Variants in CDK13 observed in about 807,000 individuals in gnomAD.
CDK13 encodes the protein cyclin dependent kinase 13.
In CDK13, 40 loss-of-function variants were observed where a neutral mutation model predicts 137.6. The observed-to-expected ratio is 0.29, with a 90% confidence interval of 0.23 to 0.38. The LOEUF is 0.38. Ranked by LOEUF, CDK13 falls within the 10% of genes least tolerant of loss-of-function variation. The pLI is 1.00. For missense variants in CDK13, 1,704 were observed against 1,951.8 expected (o/e 0.87, Z 2.39); for synonymous variants, 869 against 760.1 (o/e 1.14, Z -2.36).
chr7:39,972,233 A>G (rs539649555), intron 1 of CDK13, among the ~76,000 whole-genome samples: 2 of 152,368 alleles, frequency 1.3e-5, no homozygotes, highest in South Asian at 2.1e-4. Flanking sequence ...TTAATATGGC[A>G]TAAGAACCAT....
intron 9 of CDK13, among the ~76,000 whole-genome samples, chr7:40,076,466 C>A (rs1278036942): frequency 6.6e-6 from 1 of 152,012 alleles, no homozygotes; most frequent in African/African-American, 2.4e-5. Flanking sequence ...GGGAGAGATG[C>A]ATTGGGAAAT....
chr7:39,992,070 TAC>T lies in CDK13; in HGVS notation c.1871+3845_1871+3846del, dbSNP rs148046155. Among the ~76,000 whole-genome samples, 1,105 of 147,058 alleles carry T rather than the reference TAC, an allele frequency of 7.5e-3. 11 individuals are homozygous for T. The highest frequency in any genetic ancestry group is 0.026 in the African/African-American group (1,049 of 39,834). On this transcript the variant is annotated intron_variant, in intron 2 of 13. Coordinates refer to ENST00000181839, the MANE Select transcript of CDK13 (RefSeq NM_003718.5). ...CTGTCTCAAAAAAAGGAAAAAATTA[TAC>T]ACACACACACACACACACACACACA...
chr7:39,993,519 C>A (rs965772119), intron 2 of CDK13, among the ~76,000 whole-genome samples: 2 of 152,084 alleles, frequency 1.3e-5, no homozygotes, highest in African/African-American at 4.8e-5. Flanking sequence ...TGTTTTCCCA[C>A]AAAATCATGA....
intron 1 of CDK13, among the ~76,000 whole-genome samples, chr7:39,962,204 T>A (rs901606309): frequency 5.3e-5 from 8 of 152,206 alleles, no homozygotes; most frequent in African/African-American, 1.7e-4. Context: ...TCCCTGAGGA[T>A]TTGCCACAGT....
At chr7:40,012,071 C>A (rs550746051) in intron 5 of CDK13, among the ~76,000 whole-genome samples, 1 of 152,008 alleles carries the variant, frequency 6.6e-6, no homozygotes, top group Non-Finnish European at 1.5e-5. Flanking sequence ...AAATCAAAAC[C>A]ACAGTGAGTT....
intron 11 of CDK13, among the ~76,000 whole-genome samples, chr7:40,079,071 A>T (rs187744472): frequency 6.6e-5 from 10 of 152,104 alleles, no homozygotes; most frequent in Non-Finnish European, 1.3e-4. Flanking sequence ...GCTGCCTTCT[A>T]GCTAATTTTA....
In CDK13 at chr7:39,950,307, A is replaced by G; in HGVS notation, c.-335A>G. 9.1e-7 allele frequency: 1 copy of G among 1,098,786 alleles called. No homozygotes were observed. The highest frequency in any genetic ancestry group is 4.4e-5 in the South Asian group (1 of 22,528). The allele number at this position is 1,098,786 out of a possible 1,614,324, so 68.1% of individuals were successfully genotyped here. On this transcript the variant is annotated 5_prime_UTR_variant, in exon 1 of 14. Coordinates refer to ENST00000181839, the MANE Select transcript of CDK13 (RefSeq NM_003718.5). ...AGAGCGCGGCCAAGGCCGCTCCCCC[A>G]CCCCCGGGGGCACTTGGAGGACTCG...
At chr7:39,992,105 G>GCACA (rs764758989) in intron 2 of CDK13, among the ~76,000 whole-genome samples, 25 of 133,466 alleles carry the variant, frequency 1.9e-4, no homozygotes, top group South Asian at 9.5e-4. Flanking sequence ...ACACACACAC[G>GCACA]CACACACACA....
chr7:39,989,618 A>G (rs1342256619), intron 2 of CDK13, among the ~76,000 whole-genome samples: 2 of 152,020 alleles, frequency 1.3e-5, no homozygotes, highest in East Asian at 1.9e-4. Flanking sequence ...ATACTACTAT[A>G]ATTGTTGTAT....
chr7:40,092,395 A>G (rs1488786628), intron 12 of CDK13: 1 of 164,490 alleles, frequency 6.1e-6, no homozygotes, highest in East Asian at 1.7e-4. Flanking sequence ...TCTGCCTTCT[A>G]AGGTTGTTGT....
chr7:39,999,271 A>T, intron 3 of CDK13, 90 bp from the exon 4 acceptor site: 1 of 1,023,212 alleles, frequency 9.8e-7, no homozygotes, highest in Non-Finnish European at 1.4e-6. Context: ...TAAAGAATAT[A>T]CAATTGGGTG....
rs148569060 is a variant in CDK13, at chr7:40,035,167, T to G, written c.2354-10669T>G. Among the ~76,000 whole-genome samples the G allele has an allele frequency of 3.0e-3, 450 of 152,310 alleles. 4 individuals are homozygous for G. Among genetic ancestry groups the G allele is most frequent in the African/African-American group, 9.8e-3 (407 of 41,564 alleles). ...GAAATTTTATGTGGCATGTTATAGT[T>G]CCACAACTACATTACATATGATTTT... On this transcript the variant is annotated intron_variant, in intron 5 of 13. Coordinates refer to ENST00000181839, the MANE Select transcript of CDK13 (RefSeq NM_003718.5).
intron 5 of CDK13, among the ~76,000 whole-genome samples, chr7:40,032,889 A>C (rs1049613360): frequency 6.6e-6 from 1 of 152,154 alleles, no homozygotes; most frequent in Non-Finnish European, 1.5e-5. Flanking sequence ...TACTATCTAT[A>C]TAAACGTTAG....
At position 39,950,519 on chromosome 7, in the gene CDK13, C is replaced by A. The variant is rs1180270194; in HGVS notation, c.-123C>A. On this transcript the variant is annotated 5_prime_UTR_variant, in exon 1 of 14. Coordinates refer to ENST00000181839, the MANE Select transcript of CDK13 (RefSeq NM_003718.5). ...CGACCCGGATTATCGTGGCGCTTTTCCCGGCCGGCTCTGGTGCTCGGTGTC... is the reference window on the plus strand; with the variant it reads ...CGACCCGGATTATCGTGGCGCTTTTACCGGCCGGCTCTGGTGCTCGGTGTC... 2.4e-6 allele frequency: 3 copies of A among 1,266,716 alleles called. No homozygotes were observed. The highest frequency in any genetic ancestry group is 2.0e-6 in the Non-Finnish European group (2 of 1,007,030). 78.5% of individuals were successfully genotyped at this position (1,266,716 alleles called of 1,614,324 possible).
intron 1 of CDK13, among the ~76,000 whole-genome samples, chr7:39,981,766 A>G (rs1330791922): frequency 6.6e-6 from 1 of 151,834 alleles, no homozygotes; most frequent in African/African-American, 2.4e-5. Flanking sequence ...GTGATCAAAT[A>G]CTATAAAAAG....
intron 9 of CDK13, among the ~76,000 whole-genome samples, chr7:40,074,522 C>CAAAAA (rs34228836): frequency 2.6e-5 from 2 of 78,034 alleles, no homozygotes; most frequent in African/African-American, 8.5e-5. Flanking sequence ...GACACCATCT[C>CAAAAA]AAAAAAAAAA....
chr7:40,045,808 C>G (rs758296346), intron 5 of CDK13, 28 bp from the exon 6 acceptor site: 1 of 1,460,448 alleles, frequency 6.8e-7, no homozygotes, highest in African/African-American at 1.4e-5. Flanking sequence ...GAATAAGTTT[C>G]TAATGTATTA....
intron 5 of CDK13, among the ~76,000 whole-genome samples, chr7:40,020,165 T>C (rs939142491): frequency 2.0e-5 from 3 of 152,166 alleles, no homozygotes; most frequent in African/African-American, 7.2e-5. Context: ...GCTCCTGGGC[T>C]CAAGGGATTC....
intron 5 of CDK13, among the ~76,000 whole-genome samples, chr7:40,045,232 TTGTG>T (rs936590922): frequency 6.6e-6 from 1 of 152,106 alleles, no homozygotes; most frequent in Non-Finnish European, 1.5e-5. Flanking sequence ...TTTGTATAGT[TTGTG>T]TGTGTGTGCT....
Sources: gnomAD v4.1 joint callset for allele counts (sites outside exome capture counted in the v4.1 genomes callset) on GRCh38, gnomAD v4.1.1 for gene constraint, MANE v1.5 for transcripts, NCBI Gene and HGNC (gene_info 2026-07-23, HGNC 2026-07-21) for gene names.